Variants in WDR70 observed in about 807,000 individuals in gnomAD.
WDR70 encodes the protein WD repeat domain 70, also known as WD repeat-containing protein 70.
WDR70 carries 53 observed loss-of-function variants against 88.6 expected under a neutral mutation model. The ratio of observed to expected loss-of-function variants is 0.60; its 90% CI spans 0.48 to 0.75. The LOEUF is 0.75. Among genes scored for constraint, WDR70 ranks in the 30% least tolerant of loss-of-function variants. WDR70 has a pLI of 0.00. For synonymous variants in WDR70, 280 were observed against 270.0 expected (o/e 1.04, Z -0.36); for missense variants, 610 against 823.2 (o/e 0.74, Z 3.17).
At chr5:37,698,688 T>C (rs1043099247) in intron 11 of WDR70, among the ~76,000 whole-genome samples, 1 of 152,136 alleles carries the variant, frequency 6.6e-6, no homozygotes, top group Non-Finnish European at 1.5e-5. Context: ...CCTGAAAGAC[T>C]TTACAACCCA....
intron 8 of WDR70, among the ~76,000 whole-genome samples, chr5:37,491,028 G>A (rs1740053525): frequency 6.6e-6 from 1 of 152,106 alleles, no homozygotes; most frequent in Admixed American, 6.5e-5. Context: ...TTCCAGGTGT[G>A]CGTGGAACCT....
At chr5:37,708,411 A>T (rs1419888651) in intron 13 of WDR70, among the ~76,000 whole-genome samples, 2 of 151,982 alleles carry the variant, frequency 1.3e-5, no homozygotes, top group African/African-American at 4.8e-5. Context: ...GTTATATATA[A>T]CATATAAAAT....
intron 10 of WDR70, among the ~76,000 whole-genome samples, chr5:37,672,987 A>AT (rs1445889749): frequency 2.6e-5 from 4 of 151,704 alleles, no homozygotes; most frequent in Non-Finnish European, 4.4e-5. Flanking sequence ...TGTACAGATT[A>AT]TTTTTTCACC....
At chr5:37,508,849 A>C (rs1740636858) in intron 8 of WDR70, among the ~76,000 whole-genome samples, 1 of 152,194 alleles carries the variant, frequency 6.6e-6, no homozygotes, top group African/African-American at 2.4e-5. Flanking sequence ...CTGTTGTGAA[A>C]AAGTAATGTT....
intron 9 of WDR70, among the ~76,000 whole-genome samples, chr5:37,564,314 A>C (rs1204577631): frequency 1.3e-5 from 2 of 152,264 alleles, no homozygotes; most frequent in East Asian, 3.9e-4. Flanking sequence ...ACTCGTGGTT[A>C]GGAGCTGGAG....
At chr5:37,511,744 C>T (rs190442367) in intron 8 of WDR70, among the ~76,000 whole-genome samples, 6 of 152,188 alleles carry the variant, frequency 3.9e-5, no homozygotes, top group African/African-American at 9.6e-5. Context: ...TCTAGTCTTC[C>T]GCCTTTTCAC....
At chr5:37,743,936 G>A (rs192580880) in intron 17 of WDR70, among the ~76,000 whole-genome samples, 1 of 152,256 alleles carries the variant, frequency 6.6e-6, no homozygotes, top group African/African-American at 2.4e-5. Flanking sequence ...TCGTTAAATG[G>A]GTCCTGCTCC....
At chr5:37,459,412 A>G (rs192341576) in intron 7 of WDR70, among the ~76,000 whole-genome samples, 7,102 of 150,676 alleles carry the variant, frequency 0.047, 483 homozygotes, top group African/African-American at 0.16. Flanking sequence ...GATCTTTGAC[A>G]AACCTGAGAA....
intron 3 of WDR70, among the ~76,000 whole-genome samples, chr5:37,389,086 A>C (rs1000087827): frequency 7.9e-5 from 11 of 139,938 alleles, no homozygotes; most frequent in Non-Finnish European, 1.1e-4. Context: ...AAGCAGGCCC[A>C]TTCTTTTTTT....
intron 10 of WDR70, among the ~76,000 whole-genome samples, chr5:37,679,400 A>G (rs1434304358): frequency 3.3e-4 from 1 of 3,062 alleles, no homozygotes; most frequent in Non-Finnish European, 0.012. Flanking sequence ...TGATGTACAG[A>G]TGGGTTTTGG....
chr5:37,625,998 A>C (rs1041782241), intron 10 of WDR70, among the ~76,000 whole-genome samples: 1 of 143,248 alleles, frequency 7.0e-6, no homozygotes, highest in Non-Finnish European at 1.5e-5. Context: ...TATGGGTTCT[A>C]AGAGAGTTTT....
At chr5:37,679,928 C>A (rs1165556269) in intron 10 of WDR70, among the ~76,000 whole-genome samples, 1 of 152,260 alleles carries the variant, frequency 6.6e-6, no homozygotes. Flanking sequence ...CTAAGCAAGC[C>A]TGGGCAATGG....
intron 9 of WDR70, among the ~76,000 whole-genome samples, chr5:37,526,603 A>G (rs1741282341): frequency 6.6e-6 from 1 of 152,190 alleles, no homozygotes; most frequent in Middle Eastern, 3.2e-3. Context: ...CACCACTCCT[A>G]TTCAACATAG....
intron 3 of WDR70, among the ~76,000 whole-genome samples, chr5:37,383,481 C>T (rs1303236780): frequency 6.6e-6 from 1 of 151,972 alleles, no homozygotes; most frequent in African/African-American, 2.4e-5. Context: ...AGGCTGGTCT[C>T]GGACTTGTGA....
intron 7 of WDR70, among the ~76,000 whole-genome samples, chr5:37,466,692 C>G (rs535686230): frequency 1.3e-4 from 13 of 102,824 alleles, no homozygotes; most frequent in African/African-American, 4.8e-4. Flanking sequence ...GGCGACAGAG[C>G]GAGACTCCAT....
At chr5:37,488,817 G>A (rs974615137) in intron 8 of WDR70, among the ~76,000 whole-genome samples, 13 of 152,018 alleles carry the variant, frequency 8.6e-5, no homozygotes, top group African/African-American at 3.1e-4. Context: ...ATCTGTTGGT[G>A]GAGAATTATT....
At chr5:37,488,502 C>T (rs368385676) in intron 8 of WDR70, among the ~76,000 whole-genome samples, 4 of 137,502 alleles carry the variant, frequency 2.9e-5, no homozygotes, top group Admixed American at 7.3e-5. Context: ...TTGTTCTTTA[C>T]TTTTTTTTTT....
chr5:37,592,752 T>C (rs1027149253), intron 9 of WDR70, among the ~76,000 whole-genome samples: 1 of 152,242 alleles, frequency 6.6e-6, no homozygotes, highest in African/African-American at 2.4e-5. Context: ...TCATTATTTC[T>C]ATATGCTGGA....
chr5:37,606,539 T>C (rs1485217226), intron 10 of WDR70, among the ~76,000 whole-genome samples: 1 of 152,226 alleles, frequency 6.6e-6, no homozygotes, highest in African/African-American at 2.4e-5. Context: ...ACCCATACTT[T>C]TTATAAAGTT....
Sources: gnomAD v4.1 joint callset for allele counts (sites outside exome capture counted in the v4.1 genomes callset) on GRCh38, gnomAD v4.1.1 for gene constraint, MANE v1.5 for transcripts, NCBI Gene and HGNC (gene_info 2026-07-23, HGNC 2026-07-21) for gene names.